The following DGLUCY variants were observed in gnomAD, a reference collection of about 807,000 sequenced individuals.
DGLUCY encodes the protein D-glutamate cyclase.
In DGLUCY, 58 loss-of-function variants were observed where a neutral mutation model predicts 58.5. The ratio of observed to expected loss-of-function variants is 0.99; its 90% CI spans 0.80 to 1.23. The LOEUF (loss-of-function observed/expected upper bound fraction) is 1.23. DGLUCY is among the 50% of genes most tolerant of loss of function. The pLI, the probability that DGLUCY is intolerant of heterozygous loss-of-function variation, is 0.00. For synonymous variants in DGLUCY, 325 were observed against 314.1 expected, an observed-to-expected ratio of 1.03 and a Z score of -0.37; for missense variants, 779 against 784.7, an observed-to-expected ratio of 0.99 and a Z score of 0.09.
chr14:91,113,005 A>T (rs1252525685), upstream of DGLUCY, among the ~76,000 whole-genome samples: 1 of 150,694 alleles, frequency 6.6e-6, no homozygotes, highest in African/African-American at 2.4e-5. Flanking sequence ...CTAAAAAAAA[A>T]AAAAAAAAAA....
intron 1 of DGLUCY, among the ~76,000 whole-genome samples, chr14:91,131,797 TTTTATTTATTTATTTTCAGAC>T (rs2046038669): frequency 6.6e-6 from 1 of 152,202 alleles, no homozygotes; most frequent in South Asian, 2.1e-4. Flanking sequence ...CCAGTTTTAC[TTTTATTTATTTATTTTCAGAC>T]GGAGTTTCGC....
intron 9 of DGLUCY, among the ~76,000 whole-genome samples, chr14:91,196,104 G>A (rs2050189315): frequency 6.6e-6 from 1 of 152,142 alleles, no homozygotes; most frequent in South Asian, 2.1e-4. Context: ...TGTTCCCATG[G>A]TATTATGGGC....
Position 91,095,053 on chromosome 14 carries a change from T to C in DGLUCY, c.-82+34349T>C, listed in dbSNP as rs1330999011. Among the ~76,000 whole-genome samples the C allele has an allele frequency of 2.6e-5, 4 of 152,090 alleles. No individual in the cohort carries two copies. In the East Asian group the frequency reaches 5.8e-4, roughly 22 times the overall value. ...CACCTCTCCTAGCCACACAAAACTC[T>C]AGCCGTCTCCTCTGGTCATGAGACA... On this transcript the variant is annotated intron_variant, in intron 1 of 4. Coordinates refer to the DGLUCY transcript ENST00000521334.
In DGLUCY at chr14:91,199,915, G is replaced by C. The variant is rs371623522; in HGVS notation, c.1444+10G>C. On this transcript the variant is annotated intron_variant, in intron 11 of 13. Transcript: ENST00000256324. Reference sequence around the variant, plus strand: ...GGAATCTCATCAACTGGTAAGTATGGAGTACTGGGGATGCACCAAGAACGT... The same window carrying C: ...GGAATCTCATCAACTGGTAAGTATGCAGTACTGGGGATGCACCAAGAACGT... 2 of 1,613,950 alleles carry C rather than the reference G, an allele frequency of 1.2e-6. No individual in the cohort carries two copies. The highest frequency in any genetic ancestry group is 2.7e-5 in the African/African-American group (2 of 74,912).
At chr14:91,074,295 A>AG (rs2043980926) in intron 1 of DGLUCY, among the ~76,000 whole-genome samples, 1 of 51,314 alleles carries the variant, frequency 1.9e-5, no homozygotes, top group South Asian at 5.2e-4. Flanking sequence ...ACCCTGTCTC[A>AG]AAAAAAAAAA....
intron 1 of DGLUCY, among the ~76,000 whole-genome samples, chr14:91,151,101 A>G (rs1228260555): frequency 6.6e-6 from 1 of 152,382 alleles, no homozygotes; most frequent in East Asian, 1.9e-4. Context: ...TTCAGTTTGC[A>G]TAACGTGCTC....
At chr14:91,195,170 A>G (rs2050127376) in intron 9 of DGLUCY, among the ~76,000 whole-genome samples, 1 of 152,270 alleles carries the variant, frequency 6.6e-6, no homozygotes. Context: ...AGGACCAGCT[A>G]GACCATAACA....
chr14:91,221,413 A>G (rs987718912), intron 13 of DGLUCY, among the ~76,000 whole-genome samples: 1 of 151,888 alleles, frequency 6.6e-6, no homozygotes, highest in African/African-American at 2.4e-5. Context: ...GGAGGGATGG[A>G]TGGATAATAG....
rs563410025 is a variant in DGLUCY at position 91,217,461 on chromosome 14, C to T, written c.1716+1905C>T. Among the ~76,000 whole-genome samples the T allele has an allele frequency of 2.7e-5, 4 of 149,484 alleles. No homozygotes were observed. The South Asian group carries it at 6.3e-4, about 23-fold the overall frequency. ...CTCCCAACGTCTGCAACCAGACGTC[C>T]GCATTGCTGCCCCTTTTCTGTCTTT... On this transcript the variant is annotated intron_variant, in intron 13 of 13. Coordinates refer to ENST00000256324, the MANE Select transcript of DGLUCY (RefSeq NM_001102368.3).
At chr14:91,135,925 G>A (rs979161905) in intron 1 of DGLUCY, among the ~76,000 whole-genome samples, 2 of 115,676 alleles carry the variant, frequency 1.7e-5, no homozygotes, top group Non-Finnish European at 3.5e-5. Context: ...GGATACATTA[G>A]CTTTTTTTTT....
intron 9 of DGLUCY, among the ~76,000 whole-genome samples, chr14:91,195,266 AT>A (rs1296331204): frequency 1.3e-5 from 2 of 152,216 alleles, no homozygotes; most frequent in Non-Finnish European, 2.9e-5. Flanking sequence ...CTATGCTGGG[AT>A]TCTATCCCAA....
At chr14:91,200,536 G>T (rs2050487826) in intron 11 of DGLUCY, among the ~76,000 whole-genome samples, 1 of 152,116 alleles carries the variant, frequency 6.6e-6, no homozygotes, top group African/African-American at 2.4e-5. Context: ...ATATTATTTT[G>T]TGAAGCATGT....
chr14:91,218,267 A>C (rs1373842434), intron 13 of DGLUCY, among the ~76,000 whole-genome samples: 3 of 152,244 alleles, frequency 2.0e-5, no homozygotes, highest in Non-Finnish European at 4.4e-5. Flanking sequence ...TGATTCACGC[A>C]GACACAAAAG....
chr14:91,201,593 G>A (rs1357018959), intron 11 of DGLUCY, among the ~76,000 whole-genome samples: 2 of 151,962 alleles, frequency 1.3e-5, no homozygotes, highest in Admixed American at 6.6e-5. Context: ...CACCATGCCC[G>A]GCTGCTTGGC....
chr14:91,143,907 C>T (rs1017896795), intron 1 of DGLUCY, among the ~76,000 whole-genome samples: 25 of 152,196 alleles, frequency 1.6e-4, no homozygotes, highest in Non-Finnish European at 3.7e-4. Context: ...AGATCATCCA[C>T]GTAATAAGTA....
intron 1 of DGLUCY, among the ~76,000 whole-genome samples, chr14:91,076,831 A>C (rs1316318353): frequency 2.0e-5 from 3 of 152,084 alleles, no homozygotes; most frequent in Non-Finnish European, 4.4e-5. Context: ...TGAGGGAGGG[A>C]GTTACGGGCT....
chr14:91,073,840 G>A (rs548159811), intron 1 of DGLUCY, among the ~76,000 whole-genome samples: 1 of 151,556 alleles, frequency 6.6e-6, no homozygotes, highest in African/African-American at 2.4e-5. Flanking sequence ...AGCTATGACC[G>A]TCTTACTGCA....
At chr14:91,076,616 G>A (rs192739626) in intron 1 of DGLUCY, among the ~76,000 whole-genome samples, 1 of 152,270 alleles carries the variant, frequency 6.6e-6, no homozygotes, top group Non-Finnish European at 1.5e-5. Context: ...AGTGCTCAAA[G>A]CTACTGGGAA....
At chr14:91,141,083 A>G (rs1265288212) in intron 1 of DGLUCY, among the ~76,000 whole-genome samples, 1 of 152,056 alleles carries the variant, frequency 6.6e-6, no homozygotes, top group Non-Finnish European at 1.5e-5. Context: ...TGTAAGTGTT[A>G]TAGAAAAAGA....
Sources: gnomAD v4.1 joint callset for allele counts (sites outside exome capture counted in the v4.1 genomes callset) on GRCh38, gnomAD v4.1.1 for gene constraint, MANE v1.5 for transcripts, NCBI Gene and HGNC (gene_info 2026-07-23, HGNC 2026-07-21) for gene names.